ANKS1A: variants seen among roughly 807,000 people sequenced by gnomAD.
The protein encoded by ANKS1A is ankyrin repeat and SAM domain-containing protein 1A.
In ANKS1A, 55 loss-of-function variants were observed where a neutral mutation model predicts 120.3. The observed-to-expected ratio is 0.46, with a 90% CI of 0.37 to 0.57. The LOEUF (loss-of-function observed/expected upper bound fraction) is 0.57. ANKS1A is among the 20% of genes least tolerant of loss of function. The pLI, the probability that ANKS1A is intolerant of heterozygous loss-of-function variation, is 0.00. For missense variants in ANKS1A, 1,123 were observed against 1,480.3 expected, an observed-to-expected ratio of 0.76 and a Z score of 3.96; for synonymous variants, 590 against 604.7, an observed-to-expected ratio of 0.98 and a Z score of 0.36.
chr6:34,911,448 A>T (rs952517328), intron 1 of ANKS1A, among the ~76,000 whole-genome samples: 1 of 152,146 alleles, frequency 6.6e-6, no homozygotes, highest in Non-Finnish European at 1.5e-5. Flanking sequence ...TGTGCACAGG[A>T]TAACAGTGGG....
Position 35,085,719 on chromosome 6 carries a change from A to T in ANKS1A, c.3133-47A>T. On this transcript the variant is annotated intron_variant, in intron 21 of 23. Transcript: ENST00000360359. The surrounding 1 kb of genome is among the most constrained non-coding windows in gnomAD (Gnocchi z 4.7). ...GCGAGGAAGGGCATATCCAGTGTGA[A>T]GCGGCTCCTGAACCAGGTGCTTAAG... The T allele has an allele frequency of 6.5e-7, 1 of 1,533,288 alleles. No homozygotes were observed. The highest frequency in any genetic ancestry group is 8.8e-7 in the Non-Finnish European group (1 of 1,140,108). 95.0% of individuals were successfully genotyped at this position (1,533,288 alleles called of 1,614,324 possible).
intron 12 of ANKS1A, among the ~76,000 whole-genome samples, chr6:35,059,843 C>T (rs150934059): frequency 5.3e-5 from 8 of 152,286 alleles, no homozygotes; most frequent in African/African-American, 1.7e-4. Context: ...CCCCCACCCC[C>T]GACCTGTGGG....
intron 11 of ANKS1A, among the ~76,000 whole-genome samples, chr6:35,029,432 T>TC (rs1442560125): frequency 1.4e-4 from 20 of 144,146 alleles, no homozygotes; most frequent in Middle Eastern, 7.5e-3. Context: ...CACTGCAACC[T>TC]CCATCTCCTG....
intron 13 of ANKS1A, among the ~76,000 whole-genome samples, chr6:35,069,270 T>C (rs1776949301): frequency 6.6e-6 from 1 of 151,994 alleles, no homozygotes; most frequent in Non-Finnish European, 1.5e-5. Flanking sequence ...CAAACTGCTT[T>C]TTATCTGCTG....
At chr6:34,950,994 T>A (rs1770067817) in intron 1 of ANKS1A, among the ~76,000 whole-genome samples, 1 of 152,224 alleles carries the variant, frequency 6.6e-6, no homozygotes, top group Non-Finnish European at 1.5e-5. Context: ...ATGCCTCACC[T>A]CCAGAACTAA....
intron 17 of ANKS1A, among the ~76,000 whole-genome samples, chr6:35,081,746 G>A (rs182453505): frequency 5.9e-5 from 9 of 152,200 alleles, no homozygotes; most frequent in African/African-American, 7.2e-5. Context: ...AGGTGGGCCC[G>A]TCTCACACTC....
At chr6:35,039,192 C>CTTTTTTT (rs35565672) in intron 11 of ANKS1A, among the ~76,000 whole-genome samples, 62 of 83,778 alleles carry the variant, frequency 7.4e-4, no homozygotes, top group Middle Eastern at 0.012. Context: ...CTCCCTCATA[C>CTTTTTTT]TTTTTTTTTT....
Position 35,082,786 on chromosome 6 carries a change from C to CA in ANKS1A, c.2806dup (p.Ile936AsnfsTer8). 6.2e-7 allele frequency: 1 copy of CA among 1,614,022 alleles called. No individual in the cohort carries two copies. The highest frequency in any genetic ancestry group is 1.1e-5 in the South Asian group (1 of 91,074). ...GTTGGCAACACCAGCCAGAGAAACT[C>CA]ATCTTCGAGTCCTGTGGTTATGAAG... On this transcript the variant is annotated frameshift_variant, in exon 18 of 24. Coordinates refer to ENST00000360359, the MANE Select transcript of ANKS1A (RefSeq NM_015245.3). LOFTEE classifies it high-confidence loss of function. This position sits in a 1 kb window ranked among gnomAD's most constrained non-coding sequence, Gnocchi z 4.1.
intron 11 of ANKS1A, among the ~76,000 whole-genome samples, chr6:35,027,069 C>T (rs1355311505): frequency 6.6e-6 from 1 of 152,080 alleles, no homozygotes. Context: ...TCATTGCATA[C>T]TCAAGGCAGA....
chr6:35,077,723 C>G (rs1007027241), intron 13 of ANKS1A, among the ~76,000 whole-genome samples: 9 of 152,322 alleles, frequency 5.9e-5, no homozygotes, highest in Non-Finnish European at 1.2e-4. Flanking sequence ...CCCCTCTTAG[C>G]TCCACCACTA....
intron 1 of ANKS1A, among the ~76,000 whole-genome samples, chr6:34,939,074 A>T (rs185669813): frequency 6.6e-6 from 1 of 152,206 alleles, no homozygotes; most frequent in South Asian, 2.1e-4. Flanking sequence ...GACTGTCCTA[A>T]TAATTATGAA....
chr6:35,047,216 A>G (rs766336753), intron 11 of ANKS1A, among the ~76,000 whole-genome samples: 1 of 152,214 alleles, frequency 6.6e-6, no homozygotes, highest in Non-Finnish European at 1.5e-5. Context: ...AACCTTAAGT[A>G]TATATAATTT....
chr6:35,011,649 A>G (rs1252119090), intron 10 of ANKS1A, among the ~76,000 whole-genome samples: 1 of 152,178 alleles, frequency 6.6e-6, no homozygotes, highest in Non-Finnish European at 1.5e-5. Context: ...CCAAACTTAT[A>G]AGAATACTGG....
chr6:34,975,800 T>C (rs1286976732), intron 3 of ANKS1A, among the ~76,000 whole-genome samples: 1 of 151,932 alleles, frequency 6.6e-6, no homozygotes, highest in African/African-American at 2.4e-5. Context: ...TAAAGCTGTT[T>C]GGGTTGTGCT....
intron 1 of ANKS1A, among the ~76,000 whole-genome samples, chr6:34,908,469 T>G (rs1767745849): frequency 6.6e-6 from 1 of 152,196 alleles, no homozygotes; most frequent in East Asian, 1.9e-4. Context: ...GTCTAAGACC[T>G]TGTGTCTAGG....
intron 13 of ANKS1A, among the ~76,000 whole-genome samples, chr6:35,077,908 G>A (rs954743319): frequency 8.5e-5 from 13 of 152,158 alleles, no homozygotes; most frequent in African/African-American, 2.7e-4. Context: ...ACCAGCCTCC[G>A]CCCCCACATC....
At position 34,895,193 on chromosome 6, in the gene ANKS1A, T is replaced by C. The variant is rs553932167; in HGVS notation, c.197+5594T>C. On this transcript the variant is annotated intron_variant, in intron 1 of 23. Coordinates refer to ENST00000360359, the MANE Select transcript of ANKS1A (RefSeq NM_015245.3). ...CTTCCTAATATTTATTTAAGGACTT[T>C]GGTTTTTTTTTTTTTTTAATTAAAA... Among the ~76,000 whole-genome samples, 9 of 76,230 alleles carry C rather than the reference T, an allele frequency of 1.2e-4. No homozygotes were observed. The East Asian group carries it at 2.6e-3, about 22-fold the overall frequency. The allele number at this position is 76,230 out of a possible 152,430, so 50.0% of individuals were successfully genotyped here. A position where few individuals can be genotyped will look rare whatever the true frequency, so the allele number is the denominator to read the frequency against.
intron 10 of ANKS1A, among the ~76,000 whole-genome samples, chr6:34,999,360 G>C (rs1773030926): frequency 6.6e-6 from 1 of 152,124 alleles, no homozygotes; most frequent in Non-Finnish European, 1.5e-5. Context: ...TTTTGACCTG[G>C]CTTGGATTTC....
chr6:34,915,630 C>A lies in ANKS1A; in HGVS notation c.197+26031C>A, dbSNP rs1014195381. Reference sequence around the variant, plus strand: ...CCAAAGGGCAGGGATTACAGGCATGCTGTATCTTTGTTTTTTTTTCTTTTG... The same window carrying A: ...CCAAAGGGCAGGGATTACAGGCATGATGTATCTTTGTTTTTTTTTCTTTTG... On this transcript the variant is annotated intron_variant, in intron 1 of 23. Coordinates refer to ENST00000360359, the MANE Select transcript of ANKS1A (RefSeq NM_015245.3). Among the ~76,000 whole-genome samples the A allele has an allele frequency of 4.6e-4, 70 of 152,106 alleles. 1 individual carries two copies. The highest frequency in any genetic ancestry group is 1.6e-3 in the African/African-American group (68 of 41,518).
Sources: allele counts gnomAD v4.1 joint callset (sites outside exome capture counted in the v4.1 genomes callset), GRCh38; gene constraint gnomAD v4.1.1; non-coding constraint Gnocchi (gnomAD v3.1); transcripts MANE v1.5; gene names NCBI Gene and HGNC (gene_info 2026-07-23, HGNC 2026-07-21).